Variants in GRIN2B observed in about 807,000 individuals in gnomAD.
The protein encoded by GRIN2B is glutamate ionotropic receptor NMDA type subunit 2B.
In GRIN2B, 5 loss-of-function variants were observed where a neutral mutation model predicts 114.5. That is an observed-to-expected ratio of 0.04 (90% CI 0.02 to 0.09). GRIN2B has a LOEUF of 0.09. Ranked by LOEUF, GRIN2B falls within the 10% of genes least tolerant of loss-of-function variation. GRIN2B has a pLI of 1.00. For missense variants in GRIN2B, 1,108 were observed against 1,943.5 expected (o/e 0.57, Z 8.08); for synonymous variants, 787 against 745.1 (o/e 1.06, Z -0.92).
intron 2 of GRIN2B, among the ~76,000 whole-genome samples, chr12:13,932,941 A>T (rs1867059909): frequency 6.8e-6 from 1 of 147,122 alleles, no homozygotes; most frequent in African/African-American, 2.5e-5. Context: ...TTGCACTGAA[A>T]AGGGCTTTGT....
intron 2 of GRIN2B, among the ~76,000 whole-genome samples, chr12:13,893,251 G>A (rs2136778718): frequency 6.6e-6 from 1 of 152,192 alleles, no homozygotes; most frequent in East Asian, 1.9e-4. Context: ...CATACACATT[G>A]ATTTCTAATC....
intron 4 of GRIN2B, among the ~76,000 whole-genome samples, chr12:13,700,569 G>A (rs2268112): frequency 0.15 from 23,509 of 152,034 alleles, 1,981 homozygotes; most frequent in East Asian, 0.32. Flanking sequence ...GAGGAACCCC[G>A]AGTGGCCAAG....
chr12:13,965,063 C>T (rs1054119413), intron 2 of GRIN2B, among the ~76,000 whole-genome samples: 1 of 152,184 alleles, frequency 6.6e-6, no homozygotes, highest in Non-Finnish European at 1.5e-5. Flanking sequence ...TAACCCACCC[C>T]ATTTTCCCTG....
chr12:13,616,415 C>G, intron 6 of GRIN2B, 40 bp downstream of exon 6: 1 of 1,485,222 alleles, frequency 6.7e-7, no homozygotes, highest in South Asian at 1.1e-5. Context: ...TCAAAGCTGA[C>G]TCTCCCATGC....
intron 4 of GRIN2B, among the ~76,000 whole-genome samples, chr12:13,687,058 C>A (rs1018044369): frequency 6.6e-6 from 1 of 152,100 alleles, no homozygotes; most frequent in African/African-American, 2.4e-5. Context: ...CCTTCCCCCA[C>A]GAGTAGAAGC....
At chr12:13,580,070 A>G (rs3026167) in intron 10 of GRIN2B, among the ~76,000 whole-genome samples, 41,244 of 152,112 alleles carry the variant, frequency 0.27, 5,955 homozygotes, top group African/African-American at 0.36. Context: ...AGAGGAGCAG[A>G]TTCTGAAAAC....
At chr12:13,652,708 A>G (rs1419456597) in intron 5 of GRIN2B, among the ~76,000 whole-genome samples, 1 of 152,130 alleles carries the variant, frequency 6.6e-6, no homozygotes, top group East Asian at 1.9e-4. Flanking sequence ...GGAGACACAA[A>G]TGGTTCAACT....
intron 2 of GRIN2B, among the ~76,000 whole-genome samples, chr12:13,958,660 GT>G: frequency 6.6e-6 from 1 of 152,190 alleles, no homozygotes; most frequent in South Asian, 2.1e-4. Flanking sequence ...GAGGCATTTT[GT>G]TGCCTGTGTT....
At chr12:13,841,618 A>G (rs1292060029) in intron 3 of GRIN2B, among the ~76,000 whole-genome samples, 2 of 152,172 alleles carry the variant, frequency 1.3e-5, no homozygotes, top group East Asian at 1.9e-4. Context: ...ATCTCGATCC[A>G]CAGCTCTTAG....
At chr12:13,833,306 G>A (rs1865187587) in intron 3 of GRIN2B, among the ~76,000 whole-genome samples, 1 of 152,104 alleles carries the variant, frequency 6.6e-6, no homozygotes, top group South Asian at 2.1e-4. Context: ...CAGGAGAATT[G>A]CCAGGCCTGG....
rs1272097976 is a variant in GRIN2B at position 13,542,641 on chromosome 12, C to T, written c.*20142G>A. On this transcript the variant is annotated 3_prime_UTR_variant, in exon 14 of 14. Coordinates refer to ENST00000609686, the MANE Select transcript of GRIN2B (RefSeq NM_000834.5). Reference sequence around the variant, plus strand: ...ACAGCCTCGCTTAGGGCAATCACCACGAGAAGCCCAAGACCCCCAGTCCCT... The same window carrying T: ...ACAGCCTCGCTTAGGGCAATCACCATGAGAAGCCCAAGACCCCCAGTCCCT... The T allele has an allele frequency of 2.6e-5, 4 of 152,358 alleles. No homozygotes were observed. The highest frequency in any genetic ancestry group is 2.1e-4 in the South Asian group (1 of 4,822). The allele number at this position is 152,358 out of a possible 1,614,324, so 9.4% of individuals were successfully genotyped here.
At chr12:13,827,286 T>C (rs545305536) in intron 3 of GRIN2B, among the ~76,000 whole-genome samples, 33 of 151,360 alleles carry the variant, frequency 2.2e-4, no homozygotes, top group Admixed American at 3.9e-4. Context: ...TGTTGATTTA[T>C]AGTTTTTATC....
intron 10 of GRIN2B, among the ~76,000 whole-genome samples, chr12:13,589,123 C>G (rs1948971129): frequency 6.6e-6 from 1 of 152,142 alleles, no homozygotes; most frequent in Non-Finnish European, 1.5e-5. Context: ...GTCCTGTATT[C>G]TTATTTGCTA....
chr12:13,723,848 A>G (rs1862926527), intron 4 of GRIN2B, among the ~76,000 whole-genome samples: 1 of 143,226 alleles, frequency 7.0e-6, no homozygotes, highest in Non-Finnish European at 1.5e-5. Flanking sequence ...TGAACTGACT[A>G]TCAACTCAGG....
chr12:13,608,582 G>C, intron 10 of GRIN2B, 21 bp downstream of exon 10: 1 of 1,535,070 alleles, frequency 6.5e-7, no homozygotes. Flanking sequence ...AAAGACGGGA[G>C]ATTTCAAATG....
intron 5 of GRIN2B, among the ~76,000 whole-genome samples, chr12:13,626,519 A>T (rs1008256291): frequency 6.6e-6 from 1 of 151,748 alleles, no homozygotes; most frequent in African/African-American, 2.4e-5. Context: ...CTGAACTGTG[A>T]CTCTCTGGAT....
intron 10 of GRIN2B, among the ~76,000 whole-genome samples, chr12:13,590,924 C>G (rs959920484): frequency 6.6e-6 from 1 of 152,052 alleles, no homozygotes; most frequent in African/African-American, 2.4e-5. Flanking sequence ...GACACAGATT[C>G]AGAAATGCTC....
chr12:13,715,689 A>G (rs1950449041), intron 4 of GRIN2B, among the ~76,000 whole-genome samples: 2 of 151,946 alleles, frequency 1.3e-5, no homozygotes, highest in African/African-American at 4.8e-5. Context: ...TGAAAGAATG[A>G]TCTCAGAGAA....
chr12:13,868,455 T>TACAC (rs71436778), intron 2 of GRIN2B, among the ~76,000 whole-genome samples: 8,665 of 148,856 alleles, frequency 0.058, 320 homozygotes, highest in African/African-American at 0.11. Context: ...GTGGACAAAG[T>TACAC]ACACACACAC....
Sources: gnomAD v4.1 joint callset for allele counts (sites outside exome capture counted in the v4.1 genomes callset) on GRCh38, gnomAD v4.1.1 for gene constraint, MANE v1.5 for transcripts, NCBI Gene and HGNC (gene_info 2026-07-23, HGNC 2026-07-21) for gene names.